ATP8B1: variants seen among roughly 807,000 people sequenced by gnomAD.
ATP8B1 encodes the protein phospholipid-transporting ATPase IC.
In ATP8B1, 80 loss-of-function variants were observed where a neutral mutation model predicts 149.9. The ratio of observed to expected loss-of-function variants is 0.53; its 90% confidence interval spans 0.45 to 0.64. The LOEUF is 0.64. Among genes scored for constraint, ATP8B1 ranks in the 30% least tolerant of loss-of-function variants. The probability of loss-of-function intolerance (pLI) is 0.00; values close to 1 mark genes in which losing one functional copy is unlikely to be tolerated. For missense variants in ATP8B1, 1,247 were observed against 1,552.6 expected (o/e 0.80, Z 3.31); for synonymous variants, 536 against 562.8 (o/e 0.95, Z 0.67).
chr18:57,674,582 T>G (rs570128463), intron 16 of ATP8B1, among the ~76,000 whole-genome samples: 1 of 151,824 alleles, frequency 6.6e-6, no homozygotes, highest in East Asian at 2.0e-4. Context: ...GAGACGGGGT[T>G]TCACCGTGTT....
chr18:57,778,126 T>C (rs1238826722), intron 1 of ATP8B1, among the ~76,000 whole-genome samples: 1 of 152,162 alleles, frequency 6.6e-6, no homozygotes, highest in Non-Finnish European at 1.5e-5. Context: ...GTACCTTAAA[T>C]CTTTGCCCTT....
At chr18:57,724,657 T>C (rs1207904796) in intron 2 of ATP8B1, among the ~76,000 whole-genome samples, 4 of 147,578 alleles carry the variant, frequency 2.7e-5, no homozygotes, top group Non-Finnish European at 4.5e-5. Flanking sequence ...TTGGTGGGAC[T>C]GTAAACTAGT....
chr18:57,667,510 CA>C (rs906398731), intron 19 of ATP8B1: 1 of 275,068 alleles, frequency 3.6e-6, no homozygotes, highest in Non-Finnish European at 7.2e-6. Flanking sequence ...TGAACATAAC[CA>C]GATTCACACA....
chr18:57,653,133 G>C (rs1416591266), intron 24 of ATP8B1, among the ~76,000 whole-genome samples: 2 of 152,036 alleles, frequency 1.3e-5, no homozygotes, highest in African/African-American at 4.8e-5. Context: ...AGTCTTTATA[G>C]TGCTTCTTTC....
Position 57,674,970 on chromosome 18 carries a change from A to C in ATP8B1, c.1683T>G (p.Ala561=), listed in dbSNP as rs540185656. The C allele has an allele frequency of 6.2e-7, 1 of 1,614,234 alleles. No individual in the cohort carries two copies. Among genetic ancestry groups the C allele is most frequent in the Non-Finnish European group, 8.5e-7 (1 of 1,180,040 alleles). ...GGAAGGCAAAGCCAAAGTTCCTGGC[A>C]GCGTTTACCAGGGCACCTTCATCGG... ...ASPDEGALVN[A]ARNFGFAFLA... Residue 561 remains alanine, a synonymous_variant, in exon 16 of 28, where the codon GCT becomes GCG. Coordinates refer to ENST00000648908, the MANE Select transcript of ATP8B1 (RefSeq NM_001374385.1).
chr18:57,662,647 G>A, intron 20 of ATP8B1, 32 bp from the exon 21 acceptor site: 3 of 1,613,076 alleles, frequency 1.9e-6, no homozygotes, highest in South Asian at 1.1e-5. Flanking sequence ...TGTTTAAAGT[G>A]TAAGACCCTA....
At chr18:57,732,581 G>A (rs2079797629) in intron 1 of ATP8B1, among the ~76,000 whole-genome samples, 1 of 150,316 alleles carries the variant, frequency 6.7e-6, no homozygotes. Context: ...TTCTTTTTTT[G>A]AGATAGAGTC....
intron 3 of ATP8B1, among the ~76,000 whole-genome samples, chr18:57,705,682 C>T (rs1289923853): frequency 1.3e-5 from 2 of 152,164 alleles, no homozygotes; most frequent in Admixed American, 6.5e-5. Context: ...AACAGATTCT[C>T]CTGCAGAGGC....
Position 57,661,428 on chromosome 18 carries a change from T to C in ATP8B1, c.2453A>G (p.Asn818Ser), listed in dbSNP as rs200575733. Residue 818 changes from asparagine (N) to serine (S), a missense_variant, in exon 22 of 28, where the codon AAT becomes AGT. By Grantham distance (46) the Asn-to-Ser change is conservative (BLOSUM62 1). Transcript: ENST00000648908. ...EILLEKKTKR[N>S]KILKLKFPRT... Reference sequence around the variant, plus strand: ...TGGGAACTTCAGCTTCAGAATCTTATTTCTCTTGGTCTTTTTCTCGAGAAG... The same window carrying C: ...TGGGAACTTCAGCTTCAGAATCTTACTTCTCTTGGTCTTTTTCTCGAGAAG... The C allele has an allele frequency of 6.2e-7, 1 of 1,613,854 alleles. No homozygotes were observed. The highest frequency in any genetic ancestry group is 1.3e-5 in the African/African-American group (1 of 74,946).
At chr18:57,695,423 G>T in intron 9 of ATP8B1, 27 bp downstream of exon 9, 1 of 1,602,478 alleles carries the variant, frequency 6.2e-7, no homozygotes, top group Non-Finnish European at 8.6e-7. Context: ...AAAATTTAAA[G>T]CAAAGTAAGA....
chr18:57,774,401 C>T (rs1339738026), intron 1 of ATP8B1, among the ~76,000 whole-genome samples: 1 of 152,208 alleles, frequency 6.6e-6, no homozygotes, highest in African/African-American at 2.4e-5. Flanking sequence ...AGTCTGAGAC[C>T]AGCCTGGCCA....
intron 20 of ATP8B1, among the ~76,000 whole-genome samples, chr18:57,664,662 G>A (rs1253977948): frequency 6.6e-6 from 1 of 152,170 alleles, no homozygotes; most frequent in Non-Finnish European, 1.5e-5. Context: ...GTGTTAAAAT[G>A]ATATATGTGA....
intron 16 of ATP8B1, among the ~76,000 whole-genome samples, chr18:57,674,312 C>T (rs2122746315): frequency 6.8e-6 from 1 of 148,048 alleles, no homozygotes; most frequent in Admixed American, 6.8e-5. Context: ...GCAGCATTTG[C>T]AAGATTCAGA....
At chr18:57,684,944 TG>T in intron 14 of ATP8B1, 127 bp downstream of exon 14, 1 of 1,203,742 alleles carries the variant, frequency 8.3e-7, no homozygotes, top group Non-Finnish European at 1.2e-6. Flanking sequence ...CCAAGGACTG[TG>T]GGCAACCACC....
intron 2 of ATP8B1, among the ~76,000 whole-genome samples, chr18:57,727,605 A>G (rs1307464929): frequency 6.6e-6 from 1 of 152,016 alleles, no homozygotes; most frequent in African/African-American, 2.4e-5. Context: ...CCTGGCCAAC[A>G]TGGTGAAACT....
At chr18:57,793,344 C>CA (rs1328424992) in intron 1 of ATP8B1, among the ~76,000 whole-genome samples, 2 of 152,096 alleles carry the variant, frequency 1.3e-5, no homozygotes, top group East Asian at 3.9e-4. Context: ...TCTGACATCT[C>CA]AGCCCCACAG....
chr18:57,728,686 C>T lies in ATP8B1; in HGVS notation c.181+2941G>A, dbSNP rs542081336. Among the ~76,000 whole-genome samples, 4 of 151,372 alleles carry T rather than the reference C, an allele frequency of 2.6e-5. No individual in the cohort carries two copies. In the South Asian group the frequency reaches 6.3e-4, roughly 24 times the overall value. On this transcript the variant is annotated intron_variant, in intron 2 of 27. Coordinates refer to ENST00000648908, the MANE Select transcript of ATP8B1 (RefSeq NM_001374385.1). ...CCAAATCCCCTAGGAATATAAATCA[C>T]CCTTGGAAAACATGACTAAGATTCA...
intron 22 of ATP8B1, among the ~76,000 whole-genome samples, chr18:57,655,888 C>T (rs1325511735): frequency 2.0e-5 from 3 of 152,206 alleles, no homozygotes; most frequent in African/African-American, 7.2e-5. Flanking sequence ...AAAAACCCTA[C>T]ATTTCCCAGA....
intron 1 of ATP8B1, among the ~76,000 whole-genome samples, chr18:57,734,514 G>A (rs1192147043): frequency 6.6e-6 from 1 of 152,102 alleles, no homozygotes; most frequent in Non-Finnish European, 1.5e-5. Context: ...TATACTTCTT[G>A]GCGATTTGTA....
Sources: gnomAD v4.1 joint callset for allele counts (sites outside exome capture counted in the v4.1 genomes callset) on GRCh38, gnomAD v4.1.1 for gene constraint, MANE v1.5 for transcripts, NCBI Gene and HGNC (gene_info 2026-07-23, HGNC 2026-07-21) for gene names.